Variants in ENTHD1 observed in about 807,000 individuals in gnomAD.
ENTHD1 encodes ENTH domain-containing protein 1.
Under a neutral mutation model 39.1 loss-of-function variants are expected in ENTHD1, and 23 were observed. The observed-to-expected ratio is 0.59, with a 90% CI of 0.42 to 0.83. The LOEUF (loss-of-function observed/expected upper bound fraction) is 0.83, where lower values mean the gene tolerates loss of function less well. ENTHD1 is among the 40% of genes least tolerant of loss of function. The pLI, the probability that ENTHD1 is intolerant of heterozygous loss-of-function variation, is 0.00. For synonymous variants in ENTHD1, 230 were observed against 258.2 expected (o/e 0.89, Z 1.05); for missense variants, 624 against 705.4 (o/e 0.88, Z 1.31).
intron 6 of ENTHD1, among the ~76,000 whole-genome samples, chr22:39,749,584 G>A (rs1208001268): frequency 6.6e-6 from 1 of 152,160 alleles, no homozygotes; most frequent in Non-Finnish European, 1.5e-5. Flanking sequence ...GAAGGTCTTT[G>A]GTCAACTAAA....
chr22:39,845,713 G>A (rs1407399164), intron 3 of ENTHD1, among the ~76,000 whole-genome samples: 1 of 151,856 alleles, frequency 6.6e-6, no homozygotes, highest in Non-Finnish European at 1.5e-5. Flanking sequence ...AATGTTTCTT[G>A]GCCTTACATG....
At chr22:39,745,823 CCTT>C (rs1483202702) in intron 6 of ENTHD1, among the ~76,000 whole-genome samples, 1 of 152,214 alleles carries the variant, frequency 6.6e-6, no homozygotes, top group Admixed American at 6.5e-5. Context: ...GGTCAGAAAT[CCTT>C]CTTTCAGAAT....
At chr22:39,883,616 T>C (rs1490687605) in intron 2 of ENTHD1, among the ~76,000 whole-genome samples, 1 of 151,986 alleles carries the variant, frequency 6.6e-6, no homozygotes, top group African/African-American at 2.4e-5. Flanking sequence ...TGAAACTATT[T>C]GTATATGACA....
At chr22:39,869,461 A>G (rs1281417509) in intron 2 of ENTHD1, among the ~76,000 whole-genome samples, 2 of 152,084 alleles carry the variant, frequency 1.3e-5, no homozygotes, top group Non-Finnish European at 2.9e-5. Context: ...CAGAAACAGG[A>G]CTACTGGAAG....
intron 5 of ENTHD1, among the ~76,000 whole-genome samples, chr22:39,808,685 A>G (rs2146628638): frequency 6.6e-6 from 1 of 152,324 alleles, no homozygotes; most frequent in African/African-American, 2.4e-5. Context: ...AAATTCATAA[A>G]TAGTTCAAAA....
intron 2 of ENTHD1, among the ~76,000 whole-genome samples, chr22:39,871,014 A>AAAAG (rs1328717569): frequency 2.0e-5 from 3 of 151,858 alleles, no homozygotes; most frequent in Non-Finnish European, 4.4e-5. Flanking sequence ...CTCTACATTA[A>AAAAG]AAAGAAAGAA....
chr22:39,857,341 G>A (rs760775032), intron 3 of ENTHD1, among the ~76,000 whole-genome samples: 1 of 151,150 alleles, frequency 6.6e-6, no homozygotes, highest in African/African-American at 2.4e-5. Flanking sequence ...ACTCTGGAAG[G>A]CTGAGGCAGG....
chr22:39,746,669 T>C (rs756707165), intron 6 of ENTHD1, among the ~76,000 whole-genome samples: 8 of 152,194 alleles, frequency 5.3e-5, no homozygotes. Context: ...TCTAGGCCAG[T>C]TAGGTTCTAG....
chr22:39,889,218 T>C (rs1349163544), intron 1 of ENTHD1, among the ~76,000 whole-genome samples: 1 of 152,202 alleles, frequency 6.6e-6, no homozygotes, highest in Admixed American at 6.5e-5. Context: ...ACTCAAATAA[T>C]GCAAGGATTT....
intron 2 of ENTHD1, chr22:39,876,167 G>A: frequency 1.3e-6 from 2 of 1,504,284 alleles, no homozygotes; most frequent in Non-Finnish European, 1.8e-6. Context: ...CACCTCAGGA[G>A]ACTTATTTGA....
At chr22:39,819,820 CTT>C (rs1173484978) in intron 5 of ENTHD1, among the ~76,000 whole-genome samples, 1 of 152,148 alleles carries the variant, frequency 6.6e-6, no homozygotes, top group Non-Finnish European at 1.5e-5. Flanking sequence ...CGTGGGAACT[CTT>C]TACTTTCTGC....
In ENTHD1 at chr22:39,765,434, C is replaced by T. The variant is rs112903488; in HGVS notation, c.1008G>A (p.Trp336Ter). Reference sequence around the variant, plus strand: ...GGCTGATAAACTCCTCTTTACTTGACCAACATGCTGGTAAAATTGTCAATG... The same window carrying T: ...GGCTGATAAACTCCTCTTTACTTGATCAACATGCTGGTAAAATTGTCAATG... The part of the protein sequence containing the change: ...LKTLTILPAC[W>*]SSKEEFISPD... Residue 336 changes from tryptophan (W) to a stop codon, truncating the protein, a stop_gained, in exon 6 of 7, where the codon TGG becomes TGA. Coordinates refer to ENST00000325157, the MANE Select transcript of ENTHD1 (RefSeq NM_152512.4). LOFTEE classifies it high-confidence loss of function. 6.2e-7 allele frequency: 1 copy of T among 1,613,980 alleles called. No homozygotes were observed. Among genetic ancestry groups the T allele is most frequent in the South Asian group, 1.1e-5 (1 of 91,064 alleles).
At chr22:39,765,832 TCC>T (rs1163336378) in intron 5 of ENTHD1, among the ~76,000 whole-genome samples, 1 of 151,656 alleles carries the variant, frequency 6.6e-6, no homozygotes, top group Non-Finnish European at 1.5e-5. Context: ...TCTCCCTCTC[TCC>T]TCACTGAAGC....
intron 4 of ENTHD1, among the ~76,000 whole-genome samples, chr22:39,829,104 T>C (rs1327452005): frequency 6.6e-6 from 1 of 152,226 alleles, no homozygotes; most frequent in Non-Finnish European, 1.5e-5. Flanking sequence ...ACTTACTAGG[T>C]TTTGTCTTCT....
intron 5 of ENTHD1, among the ~76,000 whole-genome samples, chr22:39,772,740 C>T (rs926704278): frequency 1.3e-5 from 2 of 151,858 alleles, no homozygotes; most frequent in Non-Finnish European, 2.9e-5. Flanking sequence ...CAAGAGACAC[C>T]CTATAAAAAC....
chr22:39,743,897 T>C lies in ENTHD1; in HGVS notation c.1606A>G (p.Lys536Glu). 6.2e-7 allele frequency: 1 copy of C among 1,614,168 alleles called. No homozygotes were observed. Among genetic ancestry groups the C allele is most frequent in the South Asian group, 1.1e-5 (1 of 91,074 alleles). ...GCTTCAGGTTCCTGGGGGAAGTCTT[T>C]GGTTGACTGAAAACCAGAACAGGAC... ...PLSCSGFQST[K>E]DFPQEPEAKN... Residue 536 changes from lysine (K) to glutamate (E), a missense_variant, in exon 7 of 7, where the codon AAA becomes GAA. Coordinates refer to ENST00000325157, the MANE Select transcript of ENTHD1 (RefSeq NM_152512.4).
At chr22:39,793,304 C>G in intron 5 of ENTHD1, among the ~76,000 whole-genome samples, 1 of 146,980 alleles carries the variant, frequency 6.8e-6, no homozygotes, top group Admixed American at 6.7e-5. Context: ...AATGTCTAAT[C>G]ATGTCCCTTG....
intron 2 of ENTHD1, among the ~76,000 whole-genome samples, chr22:39,880,926 G>C (rs1014209356): frequency 2.0e-5 from 3 of 152,154 alleles, no homozygotes; most frequent in Non-Finnish European, 2.9e-5. Context: ...TGCTTAGATT[G>C]CAATCTTGAC....
chr22:39,752,710 A>G (rs1039360611), intron 6 of ENTHD1, among the ~76,000 whole-genome samples: 1 of 152,220 alleles, frequency 6.6e-6, no homozygotes, highest in African/African-American at 2.4e-5. Flanking sequence ...ACTTACCTAT[A>G]AAGTATAAGC....
Sources: gnomAD v4.1 joint callset for allele counts (sites outside exome capture counted in the v4.1 genomes callset) on GRCh38, gnomAD v4.1.1 for gene constraint, MANE v1.5 for transcripts, NCBI Gene and HGNC (gene_info 2026-07-23, HGNC 2026-07-21) for gene names.